Variants in PRKG1 observed in about 807,000 individuals in gnomAD.
PRKG1 encodes protein kinase cGMP-dependent 1, also known as cGMP-dependent protein kinase 1.
Under a neutral mutation model 88.1 loss-of-function variants are expected in PRKG1, and 35 were observed. The ratio of observed to expected loss-of-function variants is 0.40; its 90% confidence interval spans 0.30 to 0.53. The LOEUF (loss-of-function observed/expected upper bound fraction) is 0.53, where lower values mean the gene tolerates loss of function less well. Ranked by LOEUF, PRKG1 falls within the 20% of genes least tolerant of loss-of-function variation. PRKG1 has a pLI of 0.59. For synonymous variants in PRKG1, 303 were observed against 292.5 expected (o/e 1.04, Z -0.37); for missense variants, 540 against 839.8 (o/e 0.64, Z 4.41).
chr10:51,367,710 A>G (rs1842619646), intron 2 of PRKG1, among the ~76,000 whole-genome samples: 1 of 151,970 alleles, frequency 6.6e-6, no homozygotes, highest in South Asian at 2.1e-4. Flanking sequence ...GTCTCTACCA[A>G]TTTTGAGATG....
At chr10:51,827,466 T>A (rs550777424) in intron 4 of PRKG1, among the ~76,000 whole-genome samples, 2 of 152,232 alleles carry the variant, frequency 1.3e-5, no homozygotes, top group East Asian at 3.9e-4. Context: ...TTGAGGATCC[T>A]TCAATGTAGA....
At chr10:51,808,371 C>T (rs1020011907) in intron 4 of PRKG1, among the ~76,000 whole-genome samples, 4 of 152,052 alleles carry the variant, frequency 2.6e-5, no homozygotes, top group South Asian at 2.1e-4. Flanking sequence ...CCAAAGTGGG[C>T]GGATTGTTTG....
At chr10:51,183,026 G>C (rs546410226) in intron 2 of PRKG1, among the ~76,000 whole-genome samples, 1 of 152,192 alleles carries the variant, frequency 6.6e-6, no homozygotes, top group East Asian at 1.9e-4. Flanking sequence ...TGGAAACTAT[G>C]TTATAAGACA....
intron 3 of PRKG1, among the ~76,000 whole-genome samples, chr10:51,486,649 T>A (rs1840549747): frequency 1.3e-5 from 2 of 152,164 alleles, no homozygotes; most frequent in Admixed American, 1.3e-4. Context: ...CATTCCGTAC[T>A]ATTTGAGTTT....
At chr10:52,274,065 T>G (rs1589751394) in intron 12 of PRKG1, among the ~76,000 whole-genome samples, 1 of 152,236 alleles carries the variant, frequency 6.6e-6, no homozygotes, top group East Asian at 1.9e-4. Flanking sequence ...CAGGTGGAAT[T>G]AAACATGAAA....
chr10:51,330,948 T>C (rs973140298), intron 2 of PRKG1, among the ~76,000 whole-genome samples: 1 of 151,782 alleles, frequency 6.6e-6, no homozygotes, highest in African/African-American at 2.4e-5. Flanking sequence ...AGCACTGAGG[T>C]GTATCAGAAG....
intron 2 of PRKG1, among the ~76,000 whole-genome samples, chr10:51,225,394 CGTAG>C (rs1365670423): frequency 6.6e-6 from 1 of 152,078 alleles, no homozygotes; most frequent in Non-Finnish European, 1.5e-5. Flanking sequence ...TTTGAGGAGA[CGTAG>C]GTATTCAGTC....
intron 5 of PRKG1, among the ~76,000 whole-genome samples, chr10:52,029,912 C>T (rs998318721): frequency 5.3e-5 from 8 of 152,116 alleles, no homozygotes; most frequent in Admixed American, 3.3e-4. Context: ...ACCTGACCTT[C>T]CTGATATATC....
chr10:51,892,265 T>C (rs1199038428), intron 4 of PRKG1, among the ~76,000 whole-genome samples: 1 of 152,200 alleles, frequency 6.6e-6, no homozygotes, highest in Non-Finnish European at 1.5e-5. Flanking sequence ...TAATAAGTCA[T>C]GTAGTAAAGA....
chr10:52,048,028 C>T (rs953885340), intron 5 of PRKG1, among the ~76,000 whole-genome samples: 10 of 151,952 alleles, frequency 6.6e-5, no homozygotes, highest in Non-Finnish European at 5.9e-5. Flanking sequence ...ATAAATAAAG[C>T]GGGCATACAA....
chr10:51,674,158 G>A, intron 3 of PRKG1, among the ~76,000 whole-genome samples: 1 of 152,098 alleles, frequency 6.6e-6, no homozygotes, highest in East Asian at 1.9e-4. Flanking sequence ...AAGTGAACTG[G>A]AAGTTTTTTG....
chr10:51,507,351 A>C (rs1314033063), intron 3 of PRKG1, among the ~76,000 whole-genome samples: 1 of 152,078 alleles, frequency 6.6e-6, no homozygotes, highest in Non-Finnish European at 1.5e-5. Context: ...TTGGGTGAAA[A>C]AGATATGTCA....
At chr10:51,486,825 T>C (rs1217612743) in intron 3 of PRKG1, among the ~76,000 whole-genome samples, 1 of 152,178 alleles carries the variant, frequency 6.6e-6, no homozygotes, top group Non-Finnish European at 1.5e-5. Flanking sequence ...ATCATTTAAC[T>C]CAATTCACCA....
chr10:51,939,141 A>T (rs2133023568), intron 5 of PRKG1, among the ~76,000 whole-genome samples: 1 of 152,060 alleles, frequency 6.6e-6, no homozygotes, highest in African/African-American at 2.4e-5. Flanking sequence ...ATCTTATTTT[A>T]TTCTCTTAGT....
chr10:51,560,266 G>T (rs1235543067), intron 3 of PRKG1, among the ~76,000 whole-genome samples: 1 of 152,072 alleles, frequency 6.6e-6, no homozygotes, highest in Non-Finnish European at 1.5e-5. Flanking sequence ...AAGATGATGG[G>T]ATGTATGAGA....
intron 1 of PRKG1, among the ~76,000 whole-genome samples, chr10:51,045,706 C>T (rs1001349751): frequency 1.3e-5 from 2 of 152,116 alleles, no homozygotes; most frequent in Non-Finnish European, 2.9e-5. Context: ...CATAAAACTT[C>T]GTGTTTATCT....
chr10:51,446,691 G>A (rs989778840), intron 2 of PRKG1, among the ~76,000 whole-genome samples: 11 of 152,074 alleles, frequency 7.2e-5, no homozygotes, highest in African/African-American at 2.2e-4. Context: ...TCATCCTTTC[G>A]TTCAGGTTCT....
At chr10:51,336,007 T>A (rs760389741) in intron 2 of PRKG1, among the ~76,000 whole-genome samples, 5 of 152,166 alleles carry the variant, frequency 3.3e-5, no homozygotes, top group Non-Finnish European at 7.3e-5. Flanking sequence ...CCAAGATATG[T>A]TTGAAATAAA....
intron 4 of PRKG1, among the ~76,000 whole-genome samples, chr10:51,842,226 A>T (rs929860124): frequency 6.6e-6 from 1 of 152,202 alleles, no homozygotes; most frequent in East Asian, 1.9e-4. Context: ...AGCATTGCAT[A>T]TCATTATTCT....
Sources: allele counts gnomAD v4.1 joint callset (sites outside exome capture counted in the v4.1 genomes callset), GRCh38; gene constraint gnomAD v4.1.1; transcripts MANE v1.5; gene names NCBI Gene and HGNC (gene_info 2026-07-23, HGNC 2026-07-21).